PIWIL3: variants seen among roughly 807,000 people sequenced by gnomAD.
PIWIL3 encodes piwi-like protein 3.
In PIWIL3, 101 loss-of-function variants were observed where a neutral mutation model predicts 109.7. That is an observed-to-expected ratio of 0.92 (90% CI 0.78 to 1.09). PIWIL3 has a LOEUF of 1.09. Among genes scored for constraint, PIWIL3 ranks in the 50% least tolerant of loss-of-function variants. The pLI is 0.00. For missense variants in PIWIL3, 1,031 were observed against 1,072.6 expected (o/e 0.96, Z 0.54); for synonymous variants, 373 against 376.4 (o/e 0.99, Z 0.10).
intron 11 of PIWIL3, 83 bp downstream of exon 11, chr22:24,749,321 G>C: frequency 6.5e-7 from 1 of 1,548,542 alleles, no homozygotes; most frequent in Non-Finnish European, 8.7e-7. Flanking sequence ...AGAAGAATCT[G>C]ACATGCCAGG....
In PIWIL3 at chr22:24,725,478, C is replaced by G. The variant is rs753768633; in HGVS notation, c.2047G>C (p.Glu683Gln). The G allele has an allele frequency of 6.2e-7, 1 of 1,614,076 alleles. No individual in the cohort carries two copies. The highest frequency in any genetic ancestry group is 8.5e-7 in the Non-Finnish European group (1 of 1,180,042). Residue 683 changes from glutamate to glutamine, a missense_variant, in exon 17 of 21, where the codon GAG becomes CAG. Coordinates refer to ENST00000616349, the MANE Select transcript of PIWIL3 (RefSeq NM_001255975.1). ...CAGATCTCCAGCTCTTTCACAAGCTCTTCTCCTGTTTTCTGGATGACACAT... is the reference window on the plus strand; with the variant it reads ...CAGATCTCCAGCTCTTTCACAAGCTGTTCTCCTGTTTTCTGGATGACACAT... ...SQCVIQKTGE[E>Q]LVKELEICLK... is the part of the protein sequence containing the mutation.
At chr22:24,768,182 A>G (rs553068411) in intron 1 of PIWIL3, among the ~76,000 whole-genome samples, 1 of 152,278 alleles carries the variant, frequency 6.6e-6, no homozygotes, top group East Asian at 1.9e-4. Flanking sequence ...ACCATCACAA[A>G]AAGAATCCTA....
At chr22:24,751,016 T>A (rs1336830353) in intron 9 of PIWIL3, among the ~76,000 whole-genome samples, 1 of 151,498 alleles carries the variant, frequency 6.6e-6, no homozygotes, top group Non-Finnish European at 1.5e-5. Context: ...CCCAGCTACT[T>A]GGGAGGCTGA....
At chr22:24,773,160 G>C (rs1329863901) in intron 1 of PIWIL3, among the ~76,000 whole-genome samples, 1 of 152,164 alleles carries the variant, frequency 6.6e-6, no homozygotes, top group African/African-American at 2.4e-5. Context: ...GCTGGGCCCT[G>C]TGTCCCTCTG....
Position 24,762,529 on chromosome 22 carries a change from A to G in PIWIL3, c.-22-8T>C. 6.3e-7 allele frequency: 1 copy of G among 1,594,348 alleles called. No homozygotes were observed. The highest frequency in any genetic ancestry group is 8.5e-7 in the Non-Finnish European group (1 of 1,172,044). On this transcript the variant is annotated splice_polypyrimidine_tract_variant and splice_region_variant and intron_variant, in intron 1 of 20. Transcript: ENST00000616349. Reference sequence around the variant, plus strand: ...GTCCTGAAGGTGATGACCCTGAAGAATACAGTTATATTAGACATCTCTGTG... The same window carrying G: ...GTCCTGAAGGTGATGACCCTGAAGAGTACAGTTATATTAGACATCTCTGTG...
chr22:24,727,720 C>T (rs1377060446), intron 16 of PIWIL3, among the ~76,000 whole-genome samples: 1 of 152,172 alleles, frequency 6.6e-6, no homozygotes, highest in African/African-American at 2.4e-5. Context: ...TCATAAACTG[C>T]CACGTCTGTG....
intron 4 of PIWIL3, 87 bp downstream of exon 4, chr22:24,757,821 G>C: frequency 1.4e-6 from 2 of 1,439,406 alleles, no homozygotes; most frequent in Admixed American, 2.3e-5. Context: ...CTGGGCGACA[G>C]AGCAGGACCT....
Position 24,754,862 on chromosome 22 carries a change from G to C in PIWIL3, c.695C>G (p.Thr232Ser). ...LRYYNILFRRTFKLLDFEQVG... is the reference protein window; with the variant it reads ...LRYYNILFRRSFKLLDFEQVG... ...TTGTTCAAAATCCAGCAGCTTGAAA[G>C]TTCTGGAAATGGAAAGAATAGATTT... The change falls in exon 7 of 21, where the codon ACT (threonine) becomes AGT (serine). Residue 232 changes from threonine to serine, a missense_variant and splice_region_variant. Transcript: ENST00000616349. 6.2e-7 allele frequency: 1 copy of C among 1,611,100 alleles called. No individual in the cohort carries two copies. The highest frequency in any genetic ancestry group is 1.7e-5 in the Admixed American group (1 of 60,008).
At chr22:24,739,705 G>C (rs1381158669) in intron 12 of PIWIL3, among the ~76,000 whole-genome samples, 1 of 152,060 alleles carries the variant, frequency 6.6e-6, no homozygotes, top group Non-Finnish European at 1.5e-5. Context: ...ACTTCAATCA[G>C]AAAAAGAGGA....
rs547610492 is a variant in PIWIL3 at position 24,755,403 on chromosome 22, G to A, written c.692+381C>T. On this transcript the variant is annotated intron_variant, in intron 6 of 20. Coordinates refer to ENST00000616349, the MANE Select transcript of PIWIL3 (RefSeq NM_001255975.1). ...CTCCCAAAGTGCTGGGATTACAGGCGTGAGCCACCACGCCCGGCCTCAAAC... is the reference window on the plus strand; with the variant it reads ...CTCCCAAAGTGCTGGGATTACAGGCATGAGCCACCACGCCCGGCCTCAAAC... Among the ~76,000 whole-genome samples, 16 of 152,314 alleles carry A rather than the reference G, an allele frequency of 1.1e-4. No homozygotes were observed. In the East Asian group the frequency reaches 2.3e-3, roughly 22 times the overall value.
chr22:24,743,891 CTTGT>C (rs752719884), intron 12 of PIWIL3, among the ~76,000 whole-genome samples: 1 of 151,830 alleles, frequency 6.6e-6, no homozygotes, highest in Non-Finnish European at 1.5e-5. Flanking sequence ...TTTCTTTTTG[CTTGT>C]TTGTTTGCAA....
chr22:24,732,826 G>A (rs1923433677), intron 14 of PIWIL3, among the ~76,000 whole-genome samples: 1 of 152,024 alleles, frequency 6.6e-6, no homozygotes, highest in Admixed American at 6.6e-5. Context: ...CAAAAAAAAA[G>A]AAAAGGTAAT....
At position 24,719,772 on chromosome 22, in the gene PIWIL3, T is replaced by C. The variant is rs1370525371; in HGVS notation, c.2481A>G (p.Leu827=). 1.1e-5 allele frequency: 18 copies of C among 1,612,866 alleles called. No homozygotes were observed. Among genetic ancestry groups the C allele is most frequent in the South Asian group, 8.8e-5 (8 of 90,924 alleles). The change falls in exon 20 of 21, where the codon CTA becomes CTG. Residue 827 remains leucine (L), a synonymous_variant. Transcript: ENST00000616349. ...PDTVQRLTYC[L]CHMYYNLPGI... is the part of the protein sequence containing the mutation. ...CTGGCAAATTATAATACATGTGGCA[T>C]AGACAATATGTTAAACGCTGTACTG...
At chr22:24,772,444 T>C (rs5751982) in intron 1 of PIWIL3, among the ~76,000 whole-genome samples, 66,464 of 152,056 alleles carry the variant, frequency 0.44, 14,794 homozygotes, top group East Asian at 0.59. Context: ...GAGCAGGTGA[T>C]ATCATCTCTC....
Position 24,719,039 on chromosome 22 carries a change from TTG to T in PIWIL3, c.*431_*432del, listed in dbSNP as rs1922506077. ...ACAAATATTAAACAGAAATTCAGTG[TTG>T]TTACTTTTATGTCTTCCTTTCCTGT... On this transcript the variant is annotated 3_prime_UTR_variant, in exon 21 of 21. Transcript: ENST00000616349. 2 of 153,082 alleles carry T rather than the reference TTG, an allele frequency of 1.3e-5. No homozygotes were observed. The highest frequency in any genetic ancestry group is 2.1e-4 in the South Asian group (1 of 4,874). 9.5% of individuals were successfully genotyped at this position (153,082 alleles called of 1,614,324 possible).
At chr22:24,728,885 TGA>T (rs1185505340) in intron 14 of PIWIL3, among the ~76,000 whole-genome samples, 4 of 152,020 alleles carry the variant, frequency 2.6e-5, no homozygotes, top group African/African-American at 7.2e-5. Flanking sequence ...GGACTATCAC[TGA>T]GAGAGGAGAA....
chr22:24,770,017 C>T (rs78094159), intron 1 of PIWIL3, among the ~76,000 whole-genome samples: 2,911 of 152,274 alleles, frequency 0.019, 96 homozygotes, highest in African/African-American at 0.067. Flanking sequence ...TGTATATGTT[C>T]AGTTGGTTGT....
chr22:24,752,245 C>T (rs574539362), intron 8 of PIWIL3, among the ~76,000 whole-genome samples: 2 of 152,102 alleles, frequency 1.3e-5, no homozygotes, highest in East Asian at 3.9e-4. Flanking sequence ...AATCAAGCTG[C>T]AAACATAGAT....
intron 19 of PIWIL3, among the ~76,000 whole-genome samples, chr22:24,721,096 C>T (rs1298283361): frequency 6.6e-6 from 1 of 152,126 alleles, no homozygotes; most frequent in Admixed American, 6.6e-5. Context: ...TTGGGTAGCT[C>T]TCTCAGTGAG....
Sources: gnomAD v4.1 joint callset for allele counts (sites outside exome capture counted in the v4.1 genomes callset) on GRCh38, gnomAD v4.1.1 for gene constraint, MANE v1.5 for transcripts, NCBI Gene and HGNC (gene_info 2026-07-23, HGNC 2026-07-21) for gene names.